The following ZZEF1 variants were observed in gnomAD, a reference collection of about 807,000 sequenced individuals.
ZZEF1 encodes the protein zinc finger ZZ-type and EF-hand domain-containing protein 1.
A neutral mutation model predicts 342.8 loss-of-function variants in ZZEF1; 157 were observed. The ratio of observed to expected loss-of-function variants is 0.46; its 90% CI spans 0.40 to 0.52. The LOEUF (loss-of-function observed/expected upper bound fraction) is 0.52. Among genes scored for constraint, ZZEF1 ranks in the 20% least tolerant of loss-of-function variants. The probability of loss-of-function intolerance (pLI) is 0.00; values close to 1 mark genes in which losing one functional copy is unlikely to be tolerated. For synonymous variants in ZZEF1, 1,505 were observed against 1,429.1 expected (o/e 1.05, Z -1.20); for missense variants, 3,480 against 3,725.6 (o/e 0.93, Z 1.72).
chr17:4,065,858 C>T (rs1454392030), intron 28 of ZZEF1, among the ~76,000 whole-genome samples: 1 of 152,014 alleles, frequency 6.6e-6, no homozygotes, highest in African/African-American at 2.4e-5. Context: ...AGGCCAGGTG[C>T]AGTGGCTCAT....
At chr17:4,136,536 A>G (rs1285112268) in intron 1 of ZZEF1, among the ~76,000 whole-genome samples, 3 of 152,170 alleles carry the variant, frequency 2.0e-5, no homozygotes, top group South Asian at 2.1e-4. Context: ...TGGTGGAACT[A>G]GAACTTGCTC....
chr17:4,034,530 T>TCC (rs1233794180), intron 39 of ZZEF1, among the ~76,000 whole-genome samples: 2 of 152,118 alleles, frequency 1.3e-5, no homozygotes, highest in Non-Finnish European at 2.9e-5. Context: ...ATACTTGGTT[T>TCC]CCCCCTCACC....
chr17:4,090,951 A>T, intron 11 of ZZEF1, 121 bp from the exon 12 acceptor site: 1 of 725,880 alleles, frequency 1.4e-6, no homozygotes, highest in Non-Finnish European at 2.4e-6. Flanking sequence ...AACAATCGAG[A>T]GCTGACTATG....
intron 33 of ZZEF1, 106 bp from the exon 34 acceptor site, chr17:4,054,301 T>C (rs895307112): frequency 1.6e-6 from 2 of 1,260,404 alleles, no homozygotes; most frequent in Non-Finnish European, 2.2e-6. Context: ...CCAGGCATTG[T>C]ACTAAGTGCT....
chr17:4,020,995 T>G, intron 45 of ZZEF1, 134 bp downstream of exon 45: 1 of 920,442 alleles, frequency 1.1e-6, no homozygotes, highest in Non-Finnish European at 1.7e-6. Context: ...AACATAAGAC[T>G]GAGTCTTTAG....
At chr17:4,082,960 G>C (rs2057752133) in intron 16 of ZZEF1, among the ~76,000 whole-genome samples, 1 of 152,124 alleles carries the variant, frequency 6.6e-6, no homozygotes, top group African/African-American at 2.4e-5. Flanking sequence ...ATTTTTAGTA[G>C]AGACGGGGTT....
At position 4,076,705 on chromosome 17, in the gene ZZEF1, T is replaced by C. The variant is rs769070586; in HGVS notation, c.3166A>G (p.Arg1056Gly). ...AGTTCTGTGAGGACGCTGAACTCTC[T>C]CAAGAGCACGCAGTGTGGGATGTCT... ...TLDIPHCVLL[R>G]EFSVLTELLK... Residue 1056 changes from arginine (R) to glycine (G), a missense_variant, in exon 21 of 55, where the codon AGA (arginine) becomes GGA (glycine). Around this residue, in one of 5 missense-constraint regions of ZZEF1, gnomAD observed 1,528 missense variants for 1,624.1 expected, o/e 0.94. Coordinates refer to ENST00000381638, the MANE Select transcript of ZZEF1 (RefSeq NM_015113.4). The C allele has an allele frequency of 2.5e-6, 4 of 1,613,320 alleles. No individual in the cohort carries two copies. The East Asian group carries it at 6.7e-5, about 27-fold the overall frequency.
chr17:4,048,931 G>A (rs1029023462), intron 37 of ZZEF1, among the ~76,000 whole-genome samples: 1 of 150,422 alleles, frequency 6.6e-6, no homozygotes, highest in African/African-American at 2.5e-5. Flanking sequence ...TGTTGGCCAG[G>A]CTGGTCTTGA....
At position 4,142,959 on chromosome 17, in the gene ZZEF1, C is replaced by T; in HGVS notation, c.-64G>A. On this transcript the variant is annotated 5_prime_UTR_variant, in exon 1 of 55. Transcript: ENST00000381638. Reference sequence around the variant, plus strand: ...CCGCCGCCTCCCCGCCTCGACCTGTCAACCTCCGACAGCAGCTGGCGGGCG... The same window carrying T: ...CCGCCGCCTCCCCGCCTCGACCTGTTAACCTCCGACAGCAGCTGGCGGGCG... 1.6e-6 allele frequency: 2 copies of T among 1,283,096 alleles called. No homozygotes were observed. Among genetic ancestry groups the T allele is most frequent in the Non-Finnish European group, 2.0e-6 (2 of 1,019,160 alleles). The allele number at this position is 1,283,096 out of a possible 1,614,324, so 79.5% of individuals were successfully genotyped here.
rs201768487 is a variant in ZZEF1 at position 4,066,549 on chromosome 17, G to A, written c.4156-9C>T. On this transcript the variant is annotated splice_polypyrimidine_tract_variant and intron_variant, in intron 27 of 54. Coordinates refer to ENST00000381638, the MANE Select transcript of ZZEF1 (RefSeq NM_015113.4). ...TTCTGCTTCATCTCTAACTAGGGGAGAATTTGAGCCACATCATTATGCTGT... is the reference window on the plus strand; with the variant it reads ...TTCTGCTTCATCTCTAACTAGGGGAAAATTTGAGCCACATCATTATGCTGT... The A allele has an allele frequency of 1.2e-6, 2 of 1,613,672 alleles. No individual in the cohort carries two copies. Among genetic ancestry groups the A allele is most frequent in the East Asian group, 2.2e-5 (1 of 44,878 alleles).
chr17:4,106,527 T>C (rs1352854276), intron 6 of ZZEF1, among the ~76,000 whole-genome samples: 1 of 151,966 alleles, frequency 6.6e-6, no homozygotes, highest in African/African-American at 2.4e-5. Flanking sequence ...TCTGAAGATC[T>C]ATGGTATCTA....
intron 18 of ZZEF1, among the ~76,000 whole-genome samples, chr17:4,078,449 T>C (rs1326731879): frequency 6.6e-6 from 1 of 152,236 alleles, no homozygotes; most frequent in Non-Finnish European, 1.5e-5. Context: ...TTCTCAAAAG[T>C]TTCTTTGAAG....
At position 4,051,045 on chromosome 17, in the gene ZZEF1, T is replaced by C. The variant is rs770522962; in HGVS notation, c.5601-2A>G. 6.2e-7 allele frequency: 1 copy of C among 1,614,152 alleles called. No homozygotes were observed. Among genetic ancestry groups the C allele is most frequent in the Non-Finnish European group, 8.5e-7 (1 of 1,180,048 alleles). On this transcript the variant is annotated splice_acceptor_variant, in intron 35 of 54. Coordinates refer to ENST00000381638, the MANE Select transcript of ZZEF1 (RefSeq NM_015113.4). LOFTEE classifies it high-confidence loss of function. ...GTGATGCTGTGGGTAGGCAAATGGC[T>C]GCAAAGGCAAGACACATTTAAAGCT...
Position 4,062,856 on chromosome 17 carries a change from T to C in ZZEF1, c.4780A>G (p.Ile1594Val), listed in dbSNP as rs138097259. 3.8e-5 allele frequency: 62 copies of C among 1,613,324 alleles called. No individual in the cohort carries two copies. The African/African-American group carries it at 7.2e-4, about 19-fold the overall frequency. ...AGGGATTCTGCACAGTGCTGAGTTA[T>C]CTTCAGGACTTCCAGGATGCTCTGG... ...QAQSILEVLK[I>V]TQHCAESLGQ... Residue 1594 changes from isoleucine (I) to valine (V), a missense_variant, in exon 30 of 55, where the codon ATA (isoleucine) becomes GTA (valine). Coordinates refer to ENST00000381638, the MANE Select transcript of ZZEF1 (RefSeq NM_015113.4).
At chr17:4,024,378 T>C (rs1030882215) in intron 43 of ZZEF1, among the ~76,000 whole-genome samples, 1 of 151,944 alleles carries the variant, frequency 6.6e-6, no homozygotes, top group Non-Finnish European at 1.5e-5. Flanking sequence ...TCTGTATTTT[T>C]AGTAGAGATG....
chr17:4,021,717 A>G (rs1344927373), intron 44 of ZZEF1, among the ~76,000 whole-genome samples: 1 of 152,236 alleles, frequency 6.6e-6, no homozygotes, highest in Non-Finnish European at 1.5e-5. Context: ...AAAAACTGAA[A>G]GCCACCTTCA....
rs747225355 is a variant in ZZEF1 at position 4,019,663 on chromosome 17, C to A, written c.7505+6G>T. The stretch of plus-strand genomic sequence containing the variant: ...CACACTTCAGCTGCACGGAAATGTC[C>A]CTTACCTCTTCTGAACCTCCAGGAA... On this transcript the variant is annotated splice_donor_region_variant and intron_variant, in intron 46 of 54. Coordinates refer to ENST00000381638, the MANE Select transcript of ZZEF1 (RefSeq NM_015113.4). The A allele has an allele frequency of 8.7e-6, 14 of 1,610,878 alleles. No individual in the cohort carries two copies. The highest frequency in any genetic ancestry group is 1.2e-5 in the Non-Finnish European group (14 of 1,178,706).
At chr17:4,121,259 C>T (rs937953501) in intron 2 of ZZEF1, among the ~76,000 whole-genome samples, 2 of 152,186 alleles carry the variant, frequency 1.3e-5, no homozygotes, top group Non-Finnish European at 2.9e-5. Context: ...CCAAATAAAG[C>T]TCCTGATGCT....
intron 6 of ZZEF1, among the ~76,000 whole-genome samples, chr17:4,107,567 G>A (rs1011413401): frequency 6.6e-6 from 1 of 152,230 alleles, no homozygotes; most frequent in African/African-American, 2.4e-5. Context: ...AAGGGCATCT[G>A]TGCAAGGATG....
Sources: allele counts gnomAD v4.1 joint callset (sites outside exome capture counted in the v4.1 genomes callset), GRCh38; gene constraint gnomAD v4.1.1; regional missense constraint gnomAD v4.1.1; transcripts MANE v1.5; gene names NCBI Gene and HGNC (gene_info 2026-07-23, HGNC 2026-07-21).